Variants in LYST observed in about 807,000 individuals in gnomAD.
The protein encoded by LYST is lysosomal trafficking regulator.
LYST carries 192 observed loss-of-function variants against 413.6 expected under a neutral mutation model. That is an observed-to-expected ratio of 0.46 (90% CI 0.41 to 0.52). LYST has a LOEUF of 0.52. Among genes scored for constraint, LYST ranks in the 20% least tolerant of loss-of-function variants. LYST has a pLI of 0.00. For missense variants in LYST, 3,815 were observed against 4,499.9 expected (o/e 0.85, Z 4.35); for synonymous variants, 1,525 against 1,567.3 (o/e 0.97, Z 0.64).
In LYST at chr1:235,792,104, G is replaced by A. The variant is rs952514324; in HGVS notation, c.4138C>T (p.Leu1380=). The change falls in exon 12 of 53, where the codon CTG becomes TTG. Residue 1380 remains leucine, a synonymous_variant. Coordinates refer to ENST00000389793, the MANE Select transcript of LYST (RefSeq NM_000081.4). ...PCTKILLLGI[L]KIIESDTTMS... The stretch of plus-strand genomic sequence containing the variant: ...GTAGTATCACTTTCAATAATTTTCA[G>A]AATACCCAGAAGAAGAATTTTCTAG... The A allele has an allele frequency of 6.2e-7, 1 of 1,610,052 alleles. No homozygotes were observed.
chr1:235,753,638 A>G (rs1666707008), intron 25 of LYST, among the ~76,000 whole-genome samples: 1 of 152,202 alleles, frequency 6.6e-6, no homozygotes, highest in African/African-American at 2.4e-5. Context: ...TTTGAGAGAC[A>G]GTGAGCTAGT....
intron 21 of LYST, among the ~76,000 whole-genome samples, chr1:235,764,502 T>C (rs1042323349): frequency 9.2e-5 from 13 of 141,326 alleles, no homozygotes; most frequent in Admixed American, 1.4e-4. Flanking sequence ...TTTCTTTTTT[T>C]TTTTTTTTTT....
At chr1:235,828,865 A>AT (rs1247562733) in intron 3 of LYST, 4 of 819,230 alleles carry the variant, frequency 4.9e-6, no homozygotes, top group Non-Finnish European at 5.9e-6. Context: ...TAAAAATTAT[A>AT]TTTAATCACT....
At chr1:235,804,374 C>T (rs922341801) in intron 7 of LYST, 130 bp downstream of exon 7, 1 of 761,648 alleles carries the variant, frequency 1.3e-6, no homozygotes, top group Middle Eastern at 3.6e-4. Context: ...GAGATAAGAT[C>T]CACTGAACTC....
intron 1 of LYST, among the ~76,000 whole-genome samples, chr1:235,836,705 C>T (rs1676618210): frequency 6.6e-6 from 1 of 152,106 alleles, no homozygotes; most frequent in Admixed American, 6.5e-5. Context: ...CATTTCTCCC[C>T]AAGAATGCAA....
chr1:235,798,825 G>A (rs938565411), intron 10 of LYST, among the ~76,000 whole-genome samples: 5 of 152,068 alleles, frequency 3.3e-5, no homozygotes, highest in South Asian at 2.1e-4. Context: ...AGAAGAATCC[G>A]TGCAGGGGAG....
Position 235,791,908 on chromosome 1 carries a change from TG to T in LYST, c.4333del (p.His1445IlefsTer9). The T allele has an allele frequency of 1.2e-6, 2 of 1,614,120 alleles. No homozygotes were observed. The highest frequency in any genetic ancestry group is 1.7e-6 in the Non-Finnish European group (2 of 1,179,974). ...TATGTGCCAAGATGAAAGCAGCCGA[TG>T]GGGAAAACTCTCTCTATCAGCCTCT... ...KKEADRESFP[H>X]RLLSSWHIAP... On this transcript the variant is annotated frameshift_variant, in exon 12 of 53. Coordinates refer to ENST00000389793, the MANE Select transcript of LYST (RefSeq NM_000081.4). LOFTEE classifies it high-confidence loss of function.
chr1:235,838,304 A>G (rs1032139952), intron 1 of LYST, among the ~76,000 whole-genome samples: 3 of 152,326 alleles, frequency 2.0e-5, no homozygotes, highest in Admixed American at 6.5e-5. Flanking sequence ...CCATTGTTCA[A>G]TAACTATACC....
intron 22 of LYST, 48 bp downstream of exon 22, chr1:235,762,671 AT>A: frequency 1.9e-6 from 3 of 1,564,988 alleles, no homozygotes; most frequent in Non-Finnish European, 2.6e-6. Flanking sequence ...ATCTAAGAAT[AT>A]TCAGAACTAA....
intron 50 of LYST, among the ~76,000 whole-genome samples, chr1:235,665,052 C>T (rs150623574): frequency 0.013 from 1,924 of 152,166 alleles, 50 homozygotes; most frequent in African/African-American, 0.044. Flanking sequence ...CCTCGGCCTC[C>T]CAAAGTGCTG....
rs1490466101 is a variant in LYST, at chr1:235,866,883, C to G, written c.-138G>C. The G allele has an allele frequency of 1.3e-5, 2 of 153,966 alleles. No individual in the cohort carries two copies. Among genetic ancestry groups the G allele is most frequent in the East Asian group, 1.9e-4 (1 of 5,232 alleles). The allele number at this position is 153,966 out of a possible 1,614,324, so 9.5% of individuals were successfully genotyped here. On this transcript the variant is annotated 5_prime_UTR_variant, in exon 1 of 53. Transcript: ENST00000389793. ...TGCGGCCGCCGCGCACTCCCCCTCT[C>G]CCGGAGAACCCCGAGCCGACGCCGC...
At chr1:235,682,041 T>G (rs1319830953) in intron 48 of LYST, among the ~76,000 whole-genome samples, 3 of 152,190 alleles carry the variant, frequency 2.0e-5, no homozygotes, top group African/African-American at 7.2e-5. Context: ...ATTTAACATG[T>G]GGCTCACGTC....
chr1:235,720,702 G>A lies in LYST; in HGVS notation c.9519C>T (p.Tyr3173=), dbSNP rs759592266. Residue 3173 remains tyrosine (Y), a synonymous_variant, in exon 40 of 53, where the codon TAC becomes TAT. Coordinates refer to ENST00000389793, the MANE Select transcript of LYST (RefSeq NM_000081.4). ...CATTGAGGTCAAGTGTCTCACTAACGTAGTCAGCAAGTATAAATGGGAACA... is the reference window on the plus strand; with the variant it reads ...CATTGAGGTCAAGTGTCTCACTAACATAGTCAGCAAGTATAAATGGGAACA... ...YPVFPFILAD[Y]VSETLDLNDL... The A allele has an allele frequency of 5.6e-6, 9 of 1,613,282 alleles. No homozygotes were observed. Among genetic ancestry groups the A allele is most frequent in the East Asian group, 4.5e-5 (2 of 44,860 alleles).
At chr1:235,725,162 G>A (rs1310129995) in intron 38 of LYST, among the ~76,000 whole-genome samples, 3 of 152,086 alleles carry the variant, frequency 2.0e-5, no homozygotes, top group African/African-American at 7.2e-5. Context: ...GGCCGGGTGC[G>A]GTGGCTCATG....
intron 1 of LYST, among the ~76,000 whole-genome samples, chr1:235,848,244 C>A (rs1027339471): frequency 2.0e-5 from 3 of 152,126 alleles, no homozygotes; most frequent in Middle Eastern, 3.2e-3. Context: ...CAAAACCATG[C>A]AAATACATGG....
At chr1:235,710,843 A>G (rs1662351259) in intron 43 of LYST, among the ~76,000 whole-genome samples, 1 of 152,186 alleles carries the variant, frequency 6.6e-6, no homozygotes, top group African/African-American at 2.4e-5. Flanking sequence ...TGAGTTGCCA[A>G]GTAGGACATC....
At chr1:235,688,328 A>AAAAC (rs1265723799) in intron 47 of LYST, among the ~76,000 whole-genome samples, 1 of 152,214 alleles carries the variant, frequency 6.6e-6, no homozygotes, top group Non-Finnish European at 1.5e-5. Context: ...AAATACGCAA[A>AAAAC]AAACAAACAA....
intron 48 of LYST, among the ~76,000 whole-genome samples, chr1:235,685,202 G>T (rs1660116414): frequency 6.6e-6 from 1 of 152,162 alleles, no homozygotes; most frequent in African/African-American, 2.4e-5. Flanking sequence ...GCTCCCTGAT[G>T]TCTGGATGTC....
chr1:235,874,296 T>C (rs981827676), intron 1 of LYST, among the ~76,000 whole-genome samples: 5 of 152,244 alleles, frequency 3.3e-5, no homozygotes, highest in Non-Finnish European at 5.9e-5. Flanking sequence ...TATTGGGTAT[T>C]TTCTGTATAC....
Sources: allele counts gnomAD v4.1 joint callset (sites outside exome capture counted in the v4.1 genomes callset), GRCh38; gene constraint gnomAD v4.1.1; transcripts MANE v1.5; gene names NCBI Gene and HGNC (gene_info 2026-07-23, HGNC 2026-07-21).